ZFHX3: variants seen among roughly 807,000 people sequenced by gnomAD.
The protein encoded by ZFHX3 is zinc finger homeobox protein 3.
In ZFHX3, 42 loss-of-function variants were observed where a neutral mutation model predicts 279.1. The ratio of observed to expected loss-of-function variants is 0.15; its 90% CI spans 0.12 to 0.19. The LOEUF (loss-of-function observed/expected upper bound fraction) is 0.19, where lower values mean the gene tolerates loss of function less well. ZFHX3 is among the 10% of genes least tolerant of loss of function. ZFHX3 has a pLI of 1.00. For synonymous variants in ZFHX3, 2,293 were observed against 1,957.8 expected (o/e 1.17, Z -4.52); for missense variants, 4,981 against 4,754.0 (o/e 1.05, Z -1.40).
intron 7 of ZFHX3, among the ~76,000 whole-genome samples, chr16:72,803,414 T>G (rs1236178894): frequency 6.6e-6 from 1 of 152,140 alleles, no homozygotes; most frequent in Non-Finnish European, 1.5e-5. Context: ...CTGAAACATG[T>G]AGGTTTATGA....
rs532415719 is a variant in ZFHX3, at chr16:73,416,135, A to C, written c.-1291+39868T>G. ...AAGACTCCATCTCAAAAAAAAAAAA[A>C]AAACAAAAAACGGAAAACAAACAAA... is the stretch of plus-strand genomic sequence containing the variant. On this transcript the variant is annotated intron_variant, in intron 3 of 17. Coordinates refer to the ZFHX3 transcript ENST00000641206. Among the ~76,000 whole-genome samples, 16 of 150,742 alleles carry C rather than the reference A, an allele frequency of 1.1e-4. 1 individual carries two copies. In the East Asian group the frequency reaches 1.2e-3, roughly 11 times the overall value.
chr16:72,797,005 T>C lies in ZFHX3; in HGVS notation c.5677A>G (p.Arg1893Gly), dbSNP rs1465596056. ...CCCTCTCCCCCCTCGGCGCTGTCCC[T>C]CTCTCTCTGGCTTTCTTTTTCCTTT... Reference protein sequence around the residue: ...KEKEKESQRERDSAEGGEGNT... With the variant: ...KEKEKESQREGDSAEGGEGNT... The change falls in exon 9 of 10, where the codon AGG (arginine) becomes GGG (glycine). Residue 1893 changes from arginine to glycine, a missense_variant. Around this residue, in one of 7 missense-constraint regions of ZFHX3, gnomAD observed 1,751 missense variants for 1,770.0 expected, o/e 0.99. Coordinates refer to ENST00000268489, the MANE Select transcript of ZFHX3 (RefSeq NM_006885.4). 3.1e-6 allele frequency: 5 copies of C among 1,614,022 alleles called. No individual in the cohort carries two copies. Among genetic ancestry groups the C allele is most frequent in the East Asian group, 4.5e-5 (2 of 44,856 alleles).
At chr16:73,584,437 C>T (rs970554100) in intron 2 of ZFHX3, among the ~76,000 whole-genome samples, 2 of 152,064 alleles carry the variant, frequency 1.3e-5, no homozygotes, top group Non-Finnish European at 2.9e-5. Context: ...TGCTGATCAT[C>T]AACAATGGAA....
chr16:73,474,830 A>T (rs1012173431), intron 2 of ZFHX3, among the ~76,000 whole-genome samples: 1 of 152,220 alleles, frequency 6.6e-6, no homozygotes, highest in Non-Finnish European at 1.5e-5. Flanking sequence ...TATGTCGATT[A>T]ACCTATGAAT....
chr16:73,685,465 G>C (rs750713599), intron 1 of ZFHX3, among the ~76,000 whole-genome samples: 2 of 152,208 alleles, frequency 1.3e-5, no homozygotes, highest in Non-Finnish European at 2.9e-5. Flanking sequence ...AGCTGGAAAA[G>C]GTGAGAAGGC....
At chr16:73,137,479 C>T (rs558920148) in intron 6 of ZFHX3, 19 of 152,078 alleles carry the variant, frequency 1.2e-4, no homozygotes, top group Non-Finnish European at 2.2e-4. Flanking sequence ...AGATTAAGAA[C>T]GGGCATTTTA....
rs572235429 is a variant in ZFHX3, at chr16:73,151,562, C to A, written c.-1103-7731G>T. Among the ~76,000 whole-genome samples, 352 of 96,672 alleles carry A rather than the reference C, an allele frequency of 3.6e-3. 2 individuals are homozygous for A. Among genetic ancestry groups the A allele is most frequent in the African/African-American group, 0.015 (326 of 21,970 alleles). 63.4% of individuals were successfully genotyped at this position (96,672 alleles called of 152,430 possible). A position where few individuals can be genotyped will look rare whatever the true frequency, so the allele number is the denominator to read the frequency against. On this transcript the variant is annotated intron_variant, in intron 5 of 17. Transcript: ENST00000641206. ...AGAATGTCGTGATTGATTGGTGATA[C>A]CTGCCCGGGCATAGGAATGGCAGTG...
In ZFHX3 at chr16:73,734,339, T is replaced by C. The variant is rs1257681141; in HGVS notation, c.-1607-54099A>G. 5.9e-5 allele frequency among the ~76,000 whole-genome samples: 9 copies of C among 152,318 alleles called. No homozygotes were observed. The East Asian group carries it at 1.7e-3, about 29-fold the overall frequency. On this transcript the variant is annotated intron_variant, in intron 1 of 17. Coordinates refer to the ZFHX3 transcript ENST00000641206. ...TCTTTAAAAATTATATAAATCCATA[T>C]TTTTACTAGAATAAACTGAAATTGA...
At chr16:73,592,705 C>G (rs985516405) in intron 2 of ZFHX3, among the ~76,000 whole-genome samples, 1 of 151,076 alleles carries the variant, frequency 6.6e-6, no homozygotes, top group Non-Finnish European at 1.5e-5. Flanking sequence ...CTTCTTGCTA[C>G]TGTTACATAT....
chr16:73,675,718 T>C (rs1597060055), intron 2 of ZFHX3, among the ~76,000 whole-genome samples: 1 of 152,222 alleles, frequency 6.6e-6, no homozygotes, highest in East Asian at 1.9e-4. Flanking sequence ...ATGACCATTA[T>C]CAAGGCAAAC....
intron 1 of ZFHX3, among the ~76,000 whole-genome samples, chr16:73,002,191 C>T (rs533422020): frequency 7.2e-5 from 11 of 152,322 alleles, no homozygotes; most frequent in South Asian, 2.1e-4. Flanking sequence ...CAGGATAGCA[C>T]GTGACTCTTT....
intron 2 of ZFHX3, among the ~76,000 whole-genome samples, chr16:73,675,010 G>A (rs1179814838): frequency 6.6e-6 from 1 of 152,100 alleles, no homozygotes. Flanking sequence ...ATGCAGTAAA[G>A]CTCATGGACA....
intron 8 of ZFHX3, among the ~76,000 whole-genome samples, chr16:73,090,726 A>G (rs1164745157): frequency 7.1e-6 from 1 of 140,576 alleles, no homozygotes; most frequent in African/African-American, 2.7e-5. Context: ...GCCTCTACAG[A>G]AAAAAAAAAA....
intron 4 of ZFHX3, among the ~76,000 whole-genome samples, chr16:73,286,162 C>T (rs1396229615): frequency 6.6e-6 from 1 of 152,000 alleles, no homozygotes. Flanking sequence ...CTCTCTCTCT[C>T]TGTCTCTCTC....
chr16:73,528,058 A>G (rs917942775), intron 2 of ZFHX3, among the ~76,000 whole-genome samples: 1 of 152,248 alleles, frequency 6.6e-6, no homozygotes, highest in African/African-American at 2.4e-5. Flanking sequence ...TGTGTGATGC[A>G]GAACAATTCA....
chr16:73,660,035 A>T (rs560548828), intron 2 of ZFHX3, among the ~76,000 whole-genome samples: 1 of 152,340 alleles, frequency 6.6e-6, no homozygotes, highest in South Asian at 2.1e-4. Flanking sequence ...GGTGACAATG[A>T]TTTGATTTCT....
At chr16:73,045,929 C>T (rs1965282965) in intron 1 of ZFHX3, among the ~76,000 whole-genome samples, 1 of 152,076 alleles carries the variant, frequency 6.6e-6, no homozygotes, top group African/African-American at 2.4e-5. Flanking sequence ...GCTTCTGCAT[C>T]TGCTCCATGT....
At chr16:73,877,838 C>G (rs2030003686) in intron 1 of ZFHX3, among the ~76,000 whole-genome samples, 1 of 152,012 alleles carries the variant, frequency 6.6e-6, no homozygotes. Flanking sequence ...TCTATTAAAA[C>G]ACACACAAAG....
At chr16:73,568,573 C>T (rs2020482357) in intron 2 of ZFHX3, among the ~76,000 whole-genome samples, 1 of 152,062 alleles carries the variant, frequency 6.6e-6, no homozygotes, top group South Asian at 2.1e-4. Flanking sequence ...TGATTTTCGA[C>T]GTCCTCTCTT....
Sources: gnomAD v4.1 joint callset for allele counts (sites outside exome capture counted in the v4.1 genomes callset) on GRCh38, gnomAD v4.1.1 for gene constraint, gnomAD v4.1.1 regional missense constraint, MANE v1.5 for transcripts, NCBI Gene and HGNC (gene_info 2026-07-23, HGNC 2026-07-21) for gene names.